Variants in SNX30 observed in about 807,000 individuals in gnomAD.
SNX30 encodes the protein sorting nexin family member 30.
In SNX30, 24 loss-of-function variants were observed where a neutral mutation model predicts 46.4. That is an observed-to-expected ratio of 0.52 (90% CI 0.37 to 0.73). The LOEUF (loss-of-function observed/expected upper bound fraction) is 0.73, where lower values mean the gene tolerates loss of function less well. SNX30 is among the 30% of genes least tolerant of loss of function. The probability of loss-of-function intolerance (pLI) is 0.00; values close to 1 mark genes in which losing one functional copy is unlikely to be tolerated. For missense variants in SNX30, 533 were observed against 555.7 expected, an observed-to-expected ratio of 0.96 and a Z score of 0.41; for synonymous variants, 189 against 211.5, an observed-to-expected ratio of 0.89 and a Z score of 0.92.
chr9:112,752,451 A>G (rs532857850), intron 1 of SNX30, among the ~76,000 whole-genome samples: 18 of 152,128 alleles, frequency 1.2e-4, no homozygotes, highest in Admixed American at 9.8e-4. Context: ...CCCCGTTTCC[A>G]CATACGCACA....
intron 1 of SNX30, among the ~76,000 whole-genome samples, chr9:112,792,158 A>T (rs771552998): frequency 6.6e-6 from 1 of 152,232 alleles, no homozygotes; most frequent in East Asian, 1.9e-4. Flanking sequence ...TTGAAGGTTC[A>T]TGAGTGCTCA....
At chr9:112,834,421 T>C (rs1840716333) in intron 4 of SNX30, among the ~76,000 whole-genome samples, 1 of 152,128 alleles carries the variant, frequency 6.6e-6, no homozygotes, top group African/African-American at 2.4e-5. Flanking sequence ...TTCACAGAAC[T>C]CAGAGAAACA....
intron 4 of SNX30, among the ~76,000 whole-genome samples, chr9:112,831,212 G>C (rs1588130917): frequency 6.6e-6 from 1 of 151,838 alleles, no homozygotes; most frequent in South Asian, 2.1e-4. Context: ...CACTGTAACA[G>C]GGTTGTCATA....
chr9:112,822,837 C>T (rs772882006), intron 3 of SNX30, among the ~76,000 whole-genome samples: 4 of 152,204 alleles, frequency 2.6e-5, no homozygotes, highest in South Asian at 2.1e-4. Flanking sequence ...GGTGTATCCA[C>T]GCTGTAGACA....
intron 1 of SNX30, among the ~76,000 whole-genome samples, chr9:112,783,818 T>C (rs1839881399): frequency 6.6e-6 from 1 of 152,176 alleles, no homozygotes; most frequent in South Asian, 2.1e-4. Context: ...AAAAAACGGT[T>C]TGAATCAGGT....
At chr9:112,823,815 A>T (rs975228442) in intron 3 of SNX30, among the ~76,000 whole-genome samples, 3 of 152,086 alleles carry the variant, frequency 2.0e-5, no homozygotes, top group African/African-American at 7.2e-5. Flanking sequence ...TAGCTTATTC[A>T]ATGGATAAGT....
At chr9:112,849,980 C>A (rs570318365) in intron 6 of SNX30, among the ~76,000 whole-genome samples, 1 of 152,230 alleles carries the variant, frequency 6.6e-6, no homozygotes, top group Admixed American at 6.5e-5. Context: ...AGGTCTACTG[C>A]AAGCTTTTCT....
chr9:112,794,473 T>C (rs1840077108), intron 1 of SNX30, among the ~76,000 whole-genome samples: 1 of 152,160 alleles, frequency 6.6e-6, no homozygotes, highest in Non-Finnish European at 1.5e-5. Flanking sequence ...AAGCATCTGC[T>C]GTGTACCTGG....
chr9:112,863,783 G>T (rs1411878614), intron 7 of SNX30, among the ~76,000 whole-genome samples: 2 of 152,186 alleles, frequency 1.3e-5, no homozygotes, highest in Non-Finnish European at 1.5e-5. Flanking sequence ...ATCATCAAAT[G>T]TCACAGCAAT....
chr9:112,773,847 A>G (rs915013756), intron 1 of SNX30, among the ~76,000 whole-genome samples: 5 of 152,310 alleles, frequency 3.3e-5, no homozygotes, highest in African/African-American at 1.2e-4. Flanking sequence ...TATTTATATT[A>G]CCATGGATCT....
Position 112,840,889 on chromosome 9 carries a change from C to T in SNX30, c.1014+2192C>T, listed in dbSNP as rs187929193. Among the ~76,000 whole-genome samples, 190 of 152,208 alleles carry T rather than the reference C, an allele frequency of 1.2e-3. 1 individual carries two copies. Among genetic ancestry groups the T allele is most frequent in the African/African-American group, 4.3e-3 (178 of 41,516 alleles). ...CTGCCTCCCGGGTCCATGCCATTCT[C>T]CTGCCTCAGCCTCCTGAGCAGCTGG... is the stretch of plus-strand genomic sequence containing the variant. On this transcript the variant is annotated intron_variant, in intron 6 of 8. Transcript: ENST00000374232.
At chr9:112,790,350 T>A (rs10733594) in intron 1 of SNX30, among the ~76,000 whole-genome samples, 1 of 152,196 alleles carries the variant, frequency 6.6e-6, no homozygotes, top group African/African-American at 2.4e-5. Context: ...CCAAAAATGC[T>A]AAGGTGTGCA....
chr9:112,881,760 A>G (rs927644779), downstream of SNX30: 1 of 152,264 alleles, frequency 6.6e-6, no homozygotes, highest in African/African-American at 2.4e-5. Flanking sequence ...GGGAGCCTTC[A>G]GTCTAGTGGG....
intron 1 of SNX30, among the ~76,000 whole-genome samples, chr9:112,764,026 G>T (rs1243877329): frequency 6.6e-6 from 1 of 151,878 alleles, no homozygotes; most frequent in African/African-American, 2.4e-5. Context: ...ACCCTTTCGA[G>T]TCTCCTTTGT....
intron 1 of SNX30, among the ~76,000 whole-genome samples, chr9:112,783,793 G>A (rs2131378351): frequency 6.6e-6 from 1 of 152,280 alleles, no homozygotes; most frequent in Non-Finnish European, 1.5e-5. Flanking sequence ...GAGGGCTGCT[G>A]GTTTGTGAGA....
intron 5 of SNX30, among the ~76,000 whole-genome samples, 155 bp from the exon 6 acceptor site, chr9:112,838,343 C>T (rs10732374): frequency 0.76 from 115,841 of 152,150 alleles, 44,620 homozygotes; most frequent in South Asian, 0.86. Flanking sequence ...GTGCTAGAAA[C>T]AGTGTTGTGT....
chr9:112,830,179 C>A (rs1034275516), intron 3 of SNX30, among the ~76,000 whole-genome samples: 1 of 151,984 alleles, frequency 6.6e-6, no homozygotes, highest in Non-Finnish European at 1.5e-5. Flanking sequence ...AAGGAAATTA[C>A]GTTTTAAATA....
At chr9:112,859,714 C>T (rs1588141385) in intron 7 of SNX30, among the ~76,000 whole-genome samples, 2 of 151,612 alleles carry the variant, frequency 1.3e-5, no homozygotes, top group South Asian at 4.2e-4. Context: ...CGGAGACCAG[C>T]CAGGCTGGTC....
At chr9:112,843,406 G>A (rs137982695) in intron 6 of SNX30, among the ~76,000 whole-genome samples, 21 of 152,252 alleles carry the variant, frequency 1.4e-4, no homozygotes, top group African/African-American at 4.3e-4. Context: ...CATGGAAAAG[G>A]CTGTGGCTGG....
Sources: gnomAD v4.1 joint callset for allele counts (sites outside exome capture counted in the v4.1 genomes callset) on GRCh38, gnomAD v4.1.1 for gene constraint, MANE v1.5 for transcripts, NCBI Gene and HGNC (gene_info 2026-07-23, HGNC 2026-07-21) for gene names.